UQCRH: variants seen among roughly 807,000 people sequenced by gnomAD.
UQCRH encodes ubiquinol-cytochrome c reductase hinge protein.
A neutral mutation model predicts 16.3 loss-of-function variants in UQCRH; 14 were observed. That is an observed-to-expected ratio of 0.86 (90% CI 0.57 to 1.34). The LOEUF is 1.34. Ranked by LOEUF, UQCRH falls within the 40% of genes most tolerant of loss-of-function variation. UQCRH has a pLI of 0.00. For missense variants in UQCRH, 89 were observed against 111.9 expected (o/e 0.80, Z 0.92); for synonymous variants, 41 against 41.9 (o/e 0.98, Z 0.08).
intron 1 of UQCRH, among the ~76,000 whole-genome samples, chr1:46,305,298 C>CAAAAAAAAAAAAAAAACAAAAAAAAAA (rs1661347554): frequency 1.5e-5 from 1 of 65,006 alleles, no homozygotes; most frequent in Non-Finnish European, 2.8e-5. Context: ...GACCCTGTCT[C>CAAAAAAAAAAAAAAAACAAAAAAAAAA]AAAAAAAAAA....
At chr1:46,305,053 C>T (rs1661340907) in intron 1 of UQCRH, among the ~76,000 whole-genome samples, 1 of 151,988 alleles carries the variant, frequency 6.6e-6, no homozygotes, top group African/African-American at 2.4e-5. Flanking sequence ...GTGGCTCACG[C>T]CTGTAATCCC....
chr1:46,309,018 ATCG>A (rs1436994792), intron 1 of UQCRH, 80 bp from the exon 2 acceptor site: 23 of 1,446,270 alleles, frequency 1.6e-5, no homozygotes, highest in Middle Eastern at 1.7e-4. Context: ...GTCAGTGTCT[ATCG>A]TCAGTAATTA....
intron 3 of UQCRH, among the ~76,000 whole-genome samples, chr1:46,315,046 C>T: frequency 6.6e-6 from 1 of 152,010 alleles, no homozygotes; most frequent in East Asian, 1.9e-4. Context: ...GTGGTTCACA[C>T]CTCCTACACT....
At chr1:46,309,175 G>C in intron 2 of UQCRH, 48 bp downstream of exon 2, 1 of 1,590,892 alleles carries the variant, frequency 6.3e-7, no homozygotes, top group East Asian at 2.2e-5. Context: ...AGCAGGGTTT[G>C]AGCTTCATGA....
chr1:46,305,451 C>CT (rs1557722741), intron 1 of UQCRH, among the ~76,000 whole-genome samples: 1 of 151,714 alleles, frequency 6.6e-6, no homozygotes, highest in African/African-American at 2.4e-5. Context: ...TGGCTCATGC[C>CT]TGTAATCCCA....
In UQCRH at chr1:46,316,554, G is replaced by A. The variant is rs776475666; in HGVS notation, c.246G>A (p.Val82=). The A allele has an allele frequency of 4.3e-5, 69 of 1,613,282 alleles. No homozygotes were observed. The highest frequency in any genetic ancestry group is 5.8e-5 in the Non-Finnish European group (68 of 1,179,780). ...FDFLHARDHC[V]AHKLFNNLK is the part of the protein sequence containing the mutation. Reference sequence around the variant, plus strand: ...CTCCTTTTCTTTCCCCCATCTAGGTGGCCCACAAACTCTTTAACAACTTGA... The same window carrying A: ...CTCCTTTTCTTTCCCCCATCTAGGTAGCCCACAAACTCTTTAACAACTTGA... The change falls in exon 4 of 4, where the codon GTG becomes GTA. Residue 82 remains valine, a splice_region_variant and synonymous_variant. Coordinates refer to ENST00000311672, the MANE Select transcript of UQCRH (RefSeq NM_006004.4).
intron 1 of UQCRH, among the ~76,000 whole-genome samples, chr1:46,306,355 TA>T (rs1277496971): frequency 6.6e-6 from 1 of 152,054 alleles, no homozygotes; most frequent in Non-Finnish European, 1.5e-5. Flanking sequence ...AATGTAATTT[TA>T]GTTTTTTTGG....
Position 46,316,647 on chromosome 1 carries a change from T to C in UQCRH, c.*63T>C. The C allele has an allele frequency of 6.2e-7, 1 of 1,604,430 alleles. No individual in the cohort carries two copies. Among genetic ancestry groups the C allele is most frequent in the Non-Finnish European group, 8.5e-7 (1 of 1,176,904 alleles). On this transcript the variant is annotated 3_prime_UTR_variant, in exon 4 of 4. Coordinates refer to ENST00000311672, the MANE Select transcript of UQCRH (RefSeq NM_006004.4). ...GGCATCAGAATATTTCCTTATGGTT[T>C]TGGATGTACCATTTGTTTCTTATTT...
intron 3 of UQCRH, among the ~76,000 whole-genome samples, chr1:46,311,506 A>G (rs1263751458): frequency 6.7e-6 from 1 of 149,786 alleles, no homozygotes; most frequent in East Asian, 2.0e-4. Context: ...TCAACCCAGG[A>G]GGCGGAGCTT....
intron 3 of UQCRH, among the ~76,000 whole-genome samples, chr1:46,312,380 C>A (rs1352555393): frequency 6.6e-6 from 1 of 152,078 alleles, no homozygotes; most frequent in African/African-American, 2.4e-5. Context: ...GCTGAGATTA[C>A]AGGCGTGAGC....
At chr1:46,310,949 C>T (rs1174654771) in intron 3 of UQCRH, among the ~76,000 whole-genome samples, 1 of 151,800 alleles carries the variant, frequency 6.6e-6, no homozygotes. Flanking sequence ...CGCCTGTAGT[C>T]CCAGCTACTC....
intron 3 of UQCRH, among the ~76,000 whole-genome samples, chr1:46,313,657 A>G (rs1053107926): frequency 2.7e-5 from 4 of 150,618 alleles, no homozygotes; most frequent in African/African-American, 9.9e-5. Context: ...AGATAGATAG[A>G]TAGATAGATA....
At chr1:46,313,853 A>G (rs1448294132) in intron 3 of UQCRH, among the ~76,000 whole-genome samples, 2 of 151,966 alleles carry the variant, frequency 1.3e-5, no homozygotes, top group East Asian at 1.9e-4. Context: ...AAAAAAAAAA[A>G]CAAGTTCTTT....
chr1:46,313,380 G>A (rs1285042032), intron 3 of UQCRH, among the ~76,000 whole-genome samples: 1 of 152,138 alleles, frequency 6.6e-6, no homozygotes. Flanking sequence ...TGTAATCCCA[G>A]CCCTTTGGGA....
intron 2 of UQCRH, chr1:46,309,707 G>T (rs1661433724): frequency 3.3e-5 from 8 of 244,210 alleles, no homozygotes; most frequent in Non-Finnish European, 5.9e-5. Flanking sequence ...AGGAACCTTT[G>T]TTAGATAGTC....
Position 46,304,233 on chromosome 1 carries a change from G to GAT in UQCRH, c.54+413_54+414insAT, listed in dbSNP as rs536032965. The stretch of plus-strand genomic sequence containing the variant: ...GGAGGTTCGGAAGACCTGGCCTTGT[G>GAT]TTCCTTTTCTTTGAGGAAGGTGTGT... On this transcript the variant is annotated intron_variant, in intron 1 of 3. Transcript: ENST00000311672. Among the ~76,000 whole-genome samples the GAT allele has an allele frequency of 1.0e-3, 158 of 152,244 alleles. 2 individuals are homozygous for GAT. The South Asian group carries it at 0.016, about 16-fold the overall frequency.
intron 3 of UQCRH, among the ~76,000 whole-genome samples, chr1:46,315,000 G>C (rs1010200112): frequency 4.6e-5 from 7 of 152,184 alleles, no homozygotes; most frequent in African/African-American, 1.7e-4. Context: ...CCACAGAAAT[G>C]TACAGTTAAA....
At chr1:46,314,613 C>T (rs112869704) in intron 3 of UQCRH, among the ~76,000 whole-genome samples, 34,584 of 148,844 alleles carry the variant, frequency 0.23, 4,509 homozygotes, top group Non-Finnish European at 0.3. Flanking sequence ...GTGGAGGCTG[C>T]GGTGAGCCAA....
At chr1:46,307,870 A>T (rs1325796428) in intron 1 of UQCRH, among the ~76,000 whole-genome samples, 1 of 152,200 alleles carries the variant, frequency 6.6e-6, no homozygotes. Context: ...TCTAGAAAAA[A>T]ATGGGTTTTC....
Sources: allele counts gnomAD v4.1 joint callset (sites outside exome capture counted in the v4.1 genomes callset), GRCh38; gene constraint gnomAD v4.1.1; transcripts MANE v1.5; gene names NCBI Gene and HGNC (gene_info 2026-07-23, HGNC 2026-07-21).